The following KLHL13 variants were observed in gnomAD, a reference collection of about 807,000 sequenced individuals.
KLHL13 encodes kelch-like protein 13.
KLHL13 carries 10 observed loss-of-function variants against 37.1 expected under a neutral mutation model. The observed-to-expected ratio is 0.27, with a 90% confidence interval of 0.17 to 0.46. The LOEUF is 0.46. Among genes scored for constraint, KLHL13 ranks in the 20% least tolerant of loss-of-function variants. The probability of loss-of-function intolerance (pLI) is 1.00; values close to 1 mark genes in which losing one functional copy is unlikely to be tolerated. For synonymous variants in KLHL13, 163 were observed against 181.2 expected, an observed-to-expected ratio of 0.90 and a Z score of 0.81; for missense variants, 360 against 509.3, an observed-to-expected ratio of 0.71 and a Z score of 2.82.
chrX:118,113,032 C>A (rs1342263420), intron 1 of KLHL13, among the ~76,000 whole-genome samples: 2 of 112,033 alleles, frequency 1.8e-5, no homozygotes, highest in Non-Finnish European at 1.9e-5. Context: ...AGATATCATT[C>A]TTTGAAAAAT....
In KLHL13 at chrX:118,111,479, C is replaced by A. The variant is rs2055408500; in HGVS notation, c.-56+5029G>T. 2.7e-5 allele frequency among the ~76,000 whole-genome samples: 3 copies of A among 112,690 alleles called. No individual in the cohort carries two copies. The Admixed American group carries it at 2.8e-4, about 11-fold the overall frequency. On this transcript the variant is annotated intron_variant, in intron 1 of 6. Coordinates refer to the KLHL13 transcript ENST00000371882. The stretch of plus-strand genomic sequence containing the variant: ...TTGCAAACAAATTGTGGGCCTAGGC[C>A]GGGGGAGGTGGTTCATGCCTGCAAT...
chrX:118,101,660 A>T (rs1359480097), intron 1 of KLHL13, among the ~76,000 whole-genome samples: 1 of 110,904 alleles, frequency 9.0e-6, no homozygotes, highest in Non-Finnish European at 1.9e-5. Flanking sequence ...CCCAAATCTC[A>T]TCTCAATTTA....
intron 1 of KLHL13, among the ~76,000 whole-genome samples, chrX:118,047,760 G>T (rs990679772): frequency 2.7e-5 from 3 of 111,590 alleles, no homozygotes; most frequent in Non-Finnish European, 5.7e-5. Flanking sequence ...GAAGGAATAT[G>T]AGATGGGAGA....
chrX:118,112,130 A>G (rs2055418495), intron 1 of KLHL13, among the ~76,000 whole-genome samples: 1 of 112,313 alleles, frequency 8.9e-6, no homozygotes, highest in South Asian at 3.7e-4. Flanking sequence ...AGTATGCTCT[A>G]CAACCTCTCT....
At chrX:118,009,968 CA>C in intron 1 of KLHL13, among the ~76,000 whole-genome samples, 1 of 110,530 alleles carries the variant, frequency 9.0e-6, no homozygotes, top group Non-Finnish European at 1.9e-5. Context: ...GACATTTATG[CA>C]GCCAAAAAAC....
chrX:118,006,372 C>CAA (rs113553426), intron 1 of KLHL13, among the ~76,000 whole-genome samples: 2 of 99,531 alleles, frequency 2.0e-5, no homozygotes, highest in Admixed American at 2.2e-4. Context: ...TTAATTGTGC[C>CAA]AAAAAAAAAA....
chrX:117,995,161 T>A (rs1177153122), intron 1 of KLHL13, among the ~76,000 whole-genome samples: 1 of 112,456 alleles, frequency 8.9e-6, no homozygotes, highest in Admixed American at 9.4e-5. Context: ...TGAACTGCCT[T>A]CATGTGTCAT....
At chrX:118,048,837 C>T (rs970638652) in intron 1 of KLHL13, among the ~76,000 whole-genome samples, 5 of 111,615 alleles carry the variant, frequency 4.5e-5, no homozygotes, top group East Asian at 2.8e-4. Flanking sequence ...TACCTGCCAA[C>T]GACCTAATTG....
intron 4 of KLHL13, among the ~76,000 whole-genome samples, chrX:117,917,749 G>A (rs1931457306): frequency 8.9e-6 from 1 of 111,901 alleles, no homozygotes; most frequent in Non-Finnish European, 1.9e-5. Context: ...CTAAACTTCT[G>A]CATTAGAGGA....
At chrX:117,913,767 C>T (rs995334981) in intron 4 of KLHL13, among the ~76,000 whole-genome samples, 3 of 108,176 alleles carry the variant, frequency 2.8e-5, no homozygotes, top group Admixed American at 9.9e-5. Context: ...CACTTGAACC[C>T]GGGAGGCGGA....
intron 1 of KLHL13, among the ~76,000 whole-genome samples, chrX:118,071,460 G>C (rs2054863916): frequency 1.8e-5 from 2 of 111,763 alleles, no homozygotes; most frequent in African/African-American, 6.5e-5. Flanking sequence ...TAACTGGTGT[G>C]AGATGGTATC....
rs761675738 is a variant in KLHL13, at chrX:118,002,219, C to T, written c.-55-56644G>A. 9.0e-5 allele frequency among the ~76,000 whole-genome samples: 10 copies of T among 111,514 alleles called. No individual in the cohort carries two copies. The South Asian group carries it at 1.5e-3, about 17-fold the overall frequency. ...AGATGGGAAGATGTCATTTTCCTCA[C>T]GGACTTCATGGTTTGGTCAGGAGAG... On this transcript the variant is annotated intron_variant, in intron 1 of 6. Coordinates refer to the KLHL13 transcript ENST00000371882.
chrX:117,925,999 C>T (rs1931993407), intron 2 of KLHL13, among the ~76,000 whole-genome samples: 1 of 111,446 alleles, frequency 9.0e-6, no homozygotes, highest in African/African-American at 3.3e-5. Flanking sequence ...ATTCCACCTC[C>T]TTTGTAAAGC....
At position 117,902,054 on chromosome X, in the gene KLHL13, C is replaced by G. The variant is rs760539472; in HGVS notation, c.1367-108G>C. ...TAATATCCAAACACTTGAAACATAT[C>G]TATTATAGCTATGATAGATATGTGT... On this transcript the variant is annotated intron_variant, in intron 5 of 6. Transcript: ENST00000262820. The G allele has an allele frequency of 6.0e-5, 26 of 431,103 alleles. No individual in the cohort carries two copies. The South Asian group carries it at 9.6e-4, about 16-fold the overall frequency. The allele number at this position is 431,103 out of a possible 1,213,427, so 35.5% of individuals were successfully genotyped here. A position where few individuals can be genotyped will look rare whatever the true frequency, so the allele number is the denominator to read the frequency against.
intron 5 of KLHL13, among the ~76,000 whole-genome samples, chrX:117,905,372 C>T (rs1281993221): frequency 1.8e-5 from 2 of 111,854 alleles, no homozygotes; most frequent in African/African-American, 6.5e-5. Context: ...AAATAACTGA[C>T]TCCTTTTACA....
At chrX:117,982,651 T>C (rs1569432913) in intron 1 of KLHL13, among the ~76,000 whole-genome samples, 1 of 112,258 alleles carries the variant, frequency 8.9e-6, no homozygotes, top group Non-Finnish European at 1.9e-5. Flanking sequence ...GAGGTGATTA[T>C]TTAAAATGTA....
At chrX:118,105,729 G>A (rs940205922) in intron 1 of KLHL13, among the ~76,000 whole-genome samples, 83 of 111,388 alleles carry the variant, frequency 7.5e-4, no homozygotes, top group African/African-American at 2.6e-3. Flanking sequence ...AAATGTTCAC[G>A]TGGATACTGT....
chrX:118,038,083 T>G (rs1405401485), intron 1 of KLHL13, among the ~76,000 whole-genome samples: 1 of 112,505 alleles, frequency 8.9e-6, no homozygotes, highest in Non-Finnish European at 1.9e-5. Flanking sequence ...CACATTTATG[T>G]ACCATAGGAC....
At chrX:118,081,057 C>T (rs959326264) in intron 1 of KLHL13, among the ~76,000 whole-genome samples, 4 of 111,254 alleles carry the variant, frequency 3.6e-5, no homozygotes, top group Non-Finnish European at 5.7e-5. Context: ...GGGAGCTAAA[C>T]ATTGAGCACA....
Sources: allele counts gnomAD v4.1 joint callset (sites outside exome capture counted in the v4.1 genomes callset), GRCh38; gene constraint gnomAD v4.1.1; transcripts MANE v1.5; gene names NCBI Gene and HGNC (gene_info 2026-07-23, HGNC 2026-07-21).